Variants in KSR2 observed in about 807,000 individuals in gnomAD.
KSR2 encodes the protein kinase suppressor of ras 2.
In KSR2, 25 loss-of-function variants were observed where a neutral mutation model predicts 107.8. The ratio of observed to expected loss-of-function variants is 0.23; its 90% CI spans 0.17 to 0.32. The LOEUF is 0.32. Ranked by LOEUF, KSR2 falls within the 10% of genes least tolerant of loss-of-function variation. The pLI is 1.00. For missense variants in KSR2, 887 were observed against 1,268.9 expected (o/e 0.70, Z 4.57); for synonymous variants, 480 against 507.0 (o/e 0.95, Z 0.71).
At chr12:117,794,621 CAT>C (rs1890547470) in intron 3 of KSR2, among the ~76,000 whole-genome samples, 1 of 146,468 alleles carries the variant, frequency 6.8e-6, no homozygotes, top group South Asian at 2.2e-4. Flanking sequence ...ACACATACAC[CAT>C]ACACACACAC....
At chr12:117,476,699 C>T (rs904871236) in intron 16 of KSR2, 104 bp from the exon 17 acceptor site, 14 of 1,261,282 alleles carry the variant, frequency 1.1e-5, no homozygotes, top group African/African-American at 3.0e-5. Flanking sequence ...CTGCCCTTCT[C>T]GCTTCCCACA....
chr12:117,860,192 A>G lies in KSR2; in HGVS notation c.321+99T>C, dbSNP rs1893241031. 29 of 1,243,928 alleles carry G rather than the reference A, an allele frequency of 2.3e-5. No homozygotes were observed. In the South Asian group the frequency reaches 4.0e-4, roughly 17 times the overall value. 77.1% of individuals were successfully genotyped at this position (1,243,928 alleles called of 1,614,324 possible). ...ATTGAGAGCCTGCTATGTGCCAGGG[A>G]CTGTGCTGGGCACAGCCAGAAACCT... On this transcript the variant is annotated intron_variant, in intron 2 of 19. Transcript: ENST00000339824.
intron 2 of KSR2, among the ~76,000 whole-genome samples, chr12:117,856,434 ATTG>A (rs536976251): frequency 6.6e-6 from 1 of 152,024 alleles, no homozygotes; most frequent in Non-Finnish European, 1.5e-5. Flanking sequence ...TTTAACATAT[ATTG>A]TTATTACTTA....
At chr12:117,847,159 G>T (rs1365794662) in intron 3 of KSR2, among the ~76,000 whole-genome samples, 1 of 152,200 alleles carries the variant, frequency 6.6e-6, no homozygotes, top group African/African-American at 2.4e-5. Flanking sequence ...TGGGCTCCGG[G>T]AGGAGCAGCT....
intron 5 of KSR2, among the ~76,000 whole-genome samples, chr12:117,607,760 G>A (rs2136308665): frequency 6.6e-6 from 1 of 152,254 alleles, no homozygotes; most frequent in South Asian, 2.1e-4. Flanking sequence ...GTGTTTTGCT[G>A]ACAGGAGATT....
At chr12:117,755,736 G>A (rs1888767860) in intron 4 of KSR2, among the ~76,000 whole-genome samples, 1 of 152,204 alleles carries the variant, frequency 6.6e-6, no homozygotes. Flanking sequence ...TACGCTTAGT[G>A]AGGAAGATAC....
At chr12:117,792,495 C>T (rs35724007) in intron 3 of KSR2, among the ~76,000 whole-genome samples, 18,443 of 152,242 alleles carry the variant, frequency 0.12, 1,869 homozygotes, top group African/African-American at 0.27. Flanking sequence ...GCCTCTATCT[C>T]AGAGGATTCT....
chr12:117,484,985 G>T (rs1872381230), intron 15 of KSR2, among the ~76,000 whole-genome samples: 1 of 152,200 alleles, frequency 6.6e-6, no homozygotes, highest in Admixed American at 6.5e-5. Context: ...TGCTCATTAA[G>T]AACACACAGA....
chr12:117,924,684 A>C (rs1459243630), intron 1 of KSR2, among the ~76,000 whole-genome samples: 3 of 152,002 alleles, frequency 2.0e-5, no homozygotes, highest in African/African-American at 2.4e-5. Flanking sequence ...AGTACAAATG[A>C]CTCCGTTTCT....
chr12:117,457,167 C>G lies in KSR2; in HGVS notation c.*10032G>C, dbSNP rs375810737. ...CAAGTCCACATTCTCCTTACCTAGA[C>G]AGCCTTCAAACCACTGGTGATGCTA... is the stretch of plus-strand genomic sequence containing the variant. On this transcript the variant is annotated 3_prime_UTR_variant, in exon 20 of 20. Transcript: ENST00000339824. The G allele has an allele frequency of 1.3e-5, 2 of 152,402 alleles. No homozygotes were observed. Among genetic ancestry groups the G allele is most frequent in the African/African-American group, 4.8e-5 (2 of 41,594 alleles). 9.4% of individuals were successfully genotyped at this position (152,402 alleles called of 1,614,324 possible).
intron 4 of KSR2, among the ~76,000 whole-genome samples, chr12:117,693,600 A>ATG (rs1198266286): frequency 6.6e-6 from 1 of 152,232 alleles, no homozygotes; most frequent in African/African-American, 2.4e-5. Flanking sequence ...CAAGCCTAGC[A>ATG]TGTCTGCATG....
chr12:117,744,894 AT>A (rs1266453540), intron 4 of KSR2, among the ~76,000 whole-genome samples: 1 of 152,232 alleles, frequency 6.6e-6, no homozygotes, highest in Non-Finnish European at 1.5e-5. Flanking sequence ...CCAAGGTTAT[AT>A]TCACAGATTC....
intron 19 of KSR2, among the ~76,000 whole-genome samples, chr12:117,468,103 G>C (rs1871249147): frequency 6.6e-6 from 1 of 152,122 alleles, no homozygotes. Context: ...GTTTTTGCTT[G>C]TTAAAGCTTC....
intron 14 of KSR2, chr12:117,517,593 GATGATGCTGATAATA>G: frequency 3.0e-6 from 1 of 337,086 alleles, no homozygotes; most frequent in South Asian, 2.5e-5. Context: ...ATGTACATGA[GATGATGCTGATAATA>G]ATAATGATAA....
At chr12:117,799,497 A>C (rs1890753867) in intron 3 of KSR2, among the ~76,000 whole-genome samples, 1 of 146,194 alleles carries the variant, frequency 6.8e-6, no homozygotes, top group South Asian at 2.1e-4. Context: ...CGAAGACTCC[A>C]CCAAAAAAAA....
At chr12:117,875,498 C>T (rs1045414485) in intron 1 of KSR2, among the ~76,000 whole-genome samples, 1 of 152,124 alleles carries the variant, frequency 6.6e-6, no homozygotes, top group Non-Finnish European at 1.5e-5. Flanking sequence ...GCCCATTTTA[C>T]ACACGAGAAA....
chr12:117,623,755 T>C (rs1489353417), intron 5 of KSR2, among the ~76,000 whole-genome samples: 1 of 152,254 alleles, frequency 6.6e-6, no homozygotes, highest in African/African-American at 2.4e-5. Flanking sequence ...AGTAATGGGA[T>C]TGCTGGGTCA....
Position 117,637,712 on chromosome 12 carries a change from C to T in KSR2, c.1171+29762G>A, listed in dbSNP as rs190974821. Among the ~76,000 whole-genome samples the T allele has an allele frequency of 3.3e-4, 32 of 96,648 alleles. No homozygotes were observed. In the South Asian group the frequency reaches 4.2e-3, roughly 13 times the overall value. 63.4% of individuals were successfully genotyped at this position (96,648 alleles called of 152,430 possible). A position where few individuals can be genotyped will look rare whatever the true frequency, so the allele number is the denominator to read the frequency against. On this transcript the variant is annotated intron_variant, in intron 5 of 19. Coordinates refer to ENST00000339824, the MANE Select transcript of KSR2 (RefSeq NM_173598.6). ...TTTTTTTTTTTTTGAGACAGAGTCT[C>T]GCTCTGTTGCCCAGGCTGGAGTGCA...
chr12:117,956,625 T>G (rs1333968735), intron 1 of KSR2, among the ~76,000 whole-genome samples: 3 of 151,114 alleles, frequency 2.0e-5, no homozygotes, highest in Non-Finnish European at 4.4e-5. Context: ...ATATTTTTTT[T>G]CCTTCATACT....
Sources: allele counts gnomAD v4.1 joint callset (sites outside exome capture counted in the v4.1 genomes callset), GRCh38; gene constraint gnomAD v4.1.1; transcripts MANE v1.5; gene names NCBI Gene and HGNC (gene_info 2026-07-23, HGNC 2026-07-21).